LRRC4C: variants seen among roughly 807,000 people sequenced by gnomAD.
The protein encoded by LRRC4C is leucine rich repeat containing 4C.
In LRRC4C, 5 loss-of-function variants were observed where a neutral mutation model predicts 33.6. That is an observed-to-expected ratio of 0.15 (90% CI 0.08 to 0.31). The LOEUF (loss-of-function observed/expected upper bound fraction) is 0.31, where lower values mean the gene tolerates loss of function less well. LRRC4C is among the 10% of genes least tolerant of loss of function. The probability of loss-of-function intolerance (pLI) is 1.00; values close to 1 mark genes in which losing one functional copy is unlikely to be tolerated. For missense variants in LRRC4C, 560 were observed against 796.7 expected, an observed-to-expected ratio of 0.70 and a Z score of 3.58; for synonymous variants, 329 against 302.0, an observed-to-expected ratio of 1.09 and a Z score of -0.93.
At chr11:40,243,275 A>C (rs1399323358) in intron 4 of LRRC4C, among the ~76,000 whole-genome samples, 1 of 152,162 alleles carries the variant, frequency 6.6e-6, no homozygotes, top group African/African-American at 2.4e-5. Flanking sequence ...TTAGCAGTGG[A>C]GCTCTTCTTT....
chr11:40,374,209 A>G (rs573240712), intron 3 of LRRC4C, among the ~76,000 whole-genome samples: 28 of 152,296 alleles, frequency 1.8e-4, no homozygotes, highest in South Asian at 1.0e-3. Context: ...TGGGAAAGAA[A>G]AGTTGCTAAA....
chr11:40,648,865 G>C (rs1422272627), intron 2 of LRRC4C, among the ~76,000 whole-genome samples: 1 of 152,132 alleles, frequency 6.6e-6, no homozygotes, highest in Non-Finnish European at 1.5e-5. Context: ...TACAAAGAGA[G>C]GAATTTCACA....
chr11:40,874,116 C>G (rs1053216141), intron 2 of LRRC4C, among the ~76,000 whole-genome samples: 3 of 152,144 alleles, frequency 2.0e-5, no homozygotes, highest in Non-Finnish European at 2.9e-5. Flanking sequence ...AATATTGGAA[C>G]ATGGTTTTTC....
intron 1 of LRRC4C, among the ~76,000 whole-genome samples, chr11:41,284,541 G>A (rs576489853): frequency 1.5e-4 from 23 of 152,172 alleles, no homozygotes; most frequent in East Asian, 9.7e-4. Context: ...TACCACTGAC[G>A]TCCACTGACA....
At chr11:41,073,818 C>G (rs1938901389) in intron 1 of LRRC4C, among the ~76,000 whole-genome samples, 1 of 152,128 alleles carries the variant, frequency 6.6e-6, no homozygotes, top group Non-Finnish European at 1.5e-5. Context: ...CTCTTTTCCC[C>G]TTGTTTCCTC....
chr11:40,794,904 C>T (rs190324811), intron 2 of LRRC4C, among the ~76,000 whole-genome samples: 1 of 152,138 alleles, frequency 6.6e-6, no homozygotes, highest in Non-Finnish European at 1.5e-5. Flanking sequence ...GCAGGTGACA[C>T]AAGAATGATA....
intron 1 of LRRC4C, among the ~76,000 whole-genome samples, chr11:41,065,888 C>T (rs896671814): frequency 3.3e-5 from 5 of 152,122 alleles, no homozygotes; most frequent in African/African-American, 1.2e-4. Flanking sequence ...AAAGCTTCCT[C>T]CACAAAAACC....
At chr11:40,917,909 T>C (rs1349186290) in intron 2 of LRRC4C, among the ~76,000 whole-genome samples, 5 of 151,822 alleles carry the variant, frequency 3.3e-5, no homozygotes, top group Admixed American at 3.3e-4. Context: ...TCAATATCAT[T>C]GCAATAACAA....
chr11:40,967,877 CAAT>C (rs1378591157), intron 1 of LRRC4C, among the ~76,000 whole-genome samples: 1 of 151,544 alleles, frequency 6.6e-6, no homozygotes, highest in African/African-American at 2.4e-5. Context: ...CTAATTTCAA[CAAT>C]ATTAAAATGA....
chr11:41,121,594 G>C (rs1388986194), intron 1 of LRRC4C, among the ~76,000 whole-genome samples: 1 of 152,124 alleles, frequency 6.6e-6, no homozygotes, highest in African/African-American at 2.4e-5. Flanking sequence ...ATCAAGTGGA[G>C]AATTTAATGT....
At chr11:41,092,241 C>A (rs1451114784) in intron 1 of LRRC4C, among the ~76,000 whole-genome samples, 1 of 151,474 alleles carries the variant, frequency 6.6e-6, no homozygotes, top group Non-Finnish European at 1.5e-5. Context: ...ACTCACTGTT[C>A]TTTGTTATCT....
At chr11:41,184,624 A>T (rs1945604085) in intron 1 of LRRC4C, among the ~76,000 whole-genome samples, 1 of 152,044 alleles carries the variant, frequency 6.6e-6, no homozygotes, top group Non-Finnish European at 1.5e-5. Flanking sequence ...AAAGTTTCAT[A>T]CTTTCCCACA....
chr11:40,218,521 G>C (rs959275982), intron 5 of LRRC4C, among the ~76,000 whole-genome samples: 1 of 152,014 alleles, frequency 6.6e-6, no homozygotes, highest in Non-Finnish European at 1.5e-5. Flanking sequence ...AACAAAGATC[G>C]TCAGAGGAAC....
At chr11:40,543,388 T>C (rs1184244323) in intron 3 of LRRC4C, among the ~76,000 whole-genome samples, 1 of 152,138 alleles carries the variant, frequency 6.6e-6, no homozygotes, top group Non-Finnish European at 1.5e-5. Flanking sequence ...CTTTGTTATA[T>C]GCCAAACTAT....
chr11:40,584,967 G>C (rs1043735494), intron 3 of LRRC4C, among the ~76,000 whole-genome samples: 3 of 143,788 alleles, frequency 2.1e-5, no homozygotes, highest in African/African-American at 7.9e-5. Context: ...AAAAAAAAAA[G>C]AAAGTTTAAC....
intron 1 of LRRC4C, among the ~76,000 whole-genome samples, chr11:40,958,486 T>C (rs991878975): frequency 6.6e-6 from 1 of 151,804 alleles, no homozygotes; most frequent in African/African-American, 2.4e-5. Context: ...ATATTTTTAA[T>C]AGTCCCTATA....
chr11:41,266,405 C>G (rs1350020943), intron 1 of LRRC4C, among the ~76,000 whole-genome samples: 1 of 151,998 alleles, frequency 6.6e-6, no homozygotes, highest in Non-Finnish European at 1.5e-5. Context: ...ATGACTGGAG[C>G]TAAAGGTAAA....
chr11:40,426,726 A>G (rs1206018163), intron 3 of LRRC4C, among the ~76,000 whole-genome samples: 1 of 152,240 alleles, frequency 6.6e-6, no homozygotes, highest in Non-Finnish European at 1.5e-5. Context: ...CTGAATACTT[A>G]GAATAGTTCC....
In LRRC4C at chr11:41,241,065, G is replaced by A. The variant is rs151181196; in HGVS notation, c.-496+218366C>T. ...AAACTATGGTAAGTTATTAACTTCT[G>A]TATAATTCACTTTCTTAAACTGTTA... On this transcript the variant is annotated intron_variant, in intron 1 of 6. Transcript: ENST00000528697. Among the ~76,000 whole-genome samples, 75 of 152,228 alleles carry A rather than the reference G, an allele frequency of 4.9e-4. 1 individual carries two copies. The East Asian group carries it at 0.012, about 25-fold the overall frequency.
Sources: allele counts gnomAD v4.1 joint callset (sites outside exome capture counted in the v4.1 genomes callset), GRCh38; gene constraint gnomAD v4.1.1; transcripts MANE v1.5; gene names NCBI Gene and HGNC (gene_info 2026-07-23, HGNC 2026-07-21).